The following GSK3B variants were observed in gnomAD, a reference collection of about 807,000 sequenced individuals.
GSK3B encodes the protein glycogen synthase kinase 3 beta, also known as glycogen synthase kinase-3 beta.
In GSK3B, 15 loss-of-function variants were observed where a neutral mutation model predicts 56.4. The observed-to-expected ratio is 0.27, with a 90% CI of 0.18 to 0.41. The LOEUF (loss-of-function observed/expected upper bound fraction) is 0.41, where lower values mean the gene tolerates loss of function less well. Ranked by LOEUF, GSK3B falls within the 10% of genes least tolerant of loss-of-function variation. The pLI is 1.00. For synonymous variants in GSK3B, 181 were observed against 188.9 expected (o/e 0.96, Z 0.34); for missense variants, 300 against 513.4 (o/e 0.58, Z 4.02).
chr3:120,014,124 G>A (rs1468688961), intron 1 of GSK3B, among the ~76,000 whole-genome samples: 19 of 132,346 alleles, frequency 1.4e-4, no homozygotes, highest in Non-Finnish European at 2.2e-4. Context: ...GACAGAGTGA[G>A]ACTCTGTCAA....
intron 1 of GSK3B, among the ~76,000 whole-genome samples, chr3:120,076,226 T>G (rs2058365941): frequency 6.6e-6 from 1 of 152,136 alleles, no homozygotes; most frequent in Admixed American, 6.6e-5. Flanking sequence ...GATAAAAACC[T>G]AAACATAAGA....
rs935894208 is a variant in GSK3B, at chr3:119,823,409, A to T, written c.*3379T>A. The T allele has an allele frequency of 5.0e-6, 1 of 200,108 alleles. No individual in the cohort carries two copies. Among genetic ancestry groups the T allele is most frequent in the Non-Finnish European group, 1.0e-5 (1 of 96,954 alleles). 12.4% of individuals were successfully genotyped at this position (200,108 alleles called of 1,614,324 possible). On this transcript the variant is annotated 3_prime_UTR_variant, in exon 11 of 11. Transcript: ENST00000264235. The stretch of plus-strand genomic sequence containing the variant: ...CAGTAACTGCTAGTAATTGCACTAT[A>T]GCATTTTAGACCACTGACGTATCAA...
intron 1 of GSK3B, among the ~76,000 whole-genome samples, chr3:120,031,477 C>T (rs1321005388): frequency 6.6e-6 from 1 of 152,192 alleles, no homozygotes; most frequent in Non-Finnish European, 1.5e-5. Flanking sequence ...AGGGTAAGAA[C>T]TCATTCTCAA....
intron 5 of GSK3B, among the ~76,000 whole-genome samples, chr3:119,915,488 T>C (rs1559834781): frequency 2.0e-5 from 3 of 152,144 alleles, no homozygotes; most frequent in Non-Finnish European, 2.9e-5. Flanking sequence ...TCAAATATTA[T>C]GGATTACGTA....
chr3:119,961,140 T>C (rs533307452), intron 2 of GSK3B, among the ~76,000 whole-genome samples: 2 of 152,168 alleles, frequency 1.3e-5, no homozygotes, highest in African/African-American at 4.8e-5. Flanking sequence ...TTCCTGAGAA[T>C]AGAGCTGTGA....
intron 1 of GSK3B, among the ~76,000 whole-genome samples, chr3:120,003,577 G>C (rs903699194): frequency 1.9e-4 from 29 of 151,300 alleles, no homozygotes; most frequent in African/African-American, 6.5e-4. Flanking sequence ...CCTAATAAAA[G>C]AAAAGTAATA....
intron 1 of GSK3B, among the ~76,000 whole-genome samples, chr3:120,077,403 G>C (rs757934384): frequency 2.0e-4 from 31 of 152,130 alleles, no homozygotes; most frequent in Non-Finnish European, 3.2e-4. Flanking sequence ...TATATATCAT[G>C]ATCTCAATTA....
At chr3:119,959,593 C>T (rs1302993180) in intron 2 of GSK3B, among the ~76,000 whole-genome samples, 1 of 147,286 alleles carries the variant, frequency 6.8e-6, no homozygotes, top group Non-Finnish European at 1.5e-5. Flanking sequence ...CAGCTCACTG[C>T]AACCTCTGTC....
At chr3:120,078,291 A>G (rs1302489110) in intron 1 of GSK3B, among the ~76,000 whole-genome samples, 2 of 152,162 alleles carry the variant, frequency 1.3e-5, no homozygotes, top group East Asian at 3.9e-4. Context: ...TGCATTTTAG[A>G]ACAATTTCCT....
intron 2 of GSK3B, among the ~76,000 whole-genome samples, chr3:119,970,302 A>G (rs958088123): frequency 6.6e-6 from 1 of 152,192 alleles, no homozygotes; most frequent in Admixed American, 6.5e-5. Flanking sequence ...GAGAAACTTC[A>G]CCAAAGACAA....
intron 10 of GSK3B, among the ~76,000 whole-genome samples, chr3:119,838,212 C>G (rs569260214): frequency 2.6e-5 from 4 of 151,748 alleles, no homozygotes; most frequent in Admixed American, 1.3e-4. Context: ...TCACTTGAAC[C>G]CAGGAGTTGG....
Position 119,889,228 on chromosome 3 carries a change from T to C in GSK3B, c.814-12720A>G, listed in dbSNP as rs750809749. ...ATCACGGTTCTACTGATATGTGATG[T>C]CACCCCCGGAGGCCGAGCTGTAAAA... On this transcript the variant is annotated intron_variant, in intron 7 of 10. Coordinates refer to ENST00000264235, the MANE Select transcript of GSK3B (RefSeq NM_001146156.2). Among the ~76,000 whole-genome samples, 4 of 152,124 alleles carry C rather than the reference T, an allele frequency of 2.6e-5. 1 individual carries two copies. Among genetic ancestry groups the C allele is most frequent in the Admixed American group, 2.6e-4 (4 of 15,254 alleles).
intron 1 of GSK3B, among the ~76,000 whole-genome samples, chr3:120,035,017 C>T (rs1190360454): frequency 2.6e-5 from 4 of 151,998 alleles, no homozygotes; most frequent in Non-Finnish European, 4.4e-5. Context: ...TGCTTGAACC[C>T]AGGAGGCGGA....
chr3:120,061,325 G>A (rs935527899), intron 1 of GSK3B, among the ~76,000 whole-genome samples: 5 of 152,106 alleles, frequency 3.3e-5, no homozygotes, highest in African/African-American at 7.2e-5. Flanking sequence ...TTTGAATAAC[G>A]GGATTATAAT....
chr3:119,923,764 G>A (rs1438837298), intron 3 of GSK3B, among the ~76,000 whole-genome samples: 1 of 152,096 alleles, frequency 6.6e-6, no homozygotes, highest in Non-Finnish European at 1.5e-5. Context: ...CATGATTTTA[G>A]AGGATATCAC....
At chr3:119,999,314 G>A (rs1041906407) in intron 2 of GSK3B, among the ~76,000 whole-genome samples, 2 of 152,160 alleles carry the variant, frequency 1.3e-5, no homozygotes, top group African/African-American at 4.8e-5. Context: ...GATACAGCGA[G>A]GATAAAATGT....
chr3:119,888,529 CG>C (rs2056465449), intron 7 of GSK3B, among the ~76,000 whole-genome samples: 1 of 152,046 alleles, frequency 6.6e-6, no homozygotes, highest in South Asian at 2.1e-4. Flanking sequence ...TGAGGATGTA[CG>C]TCACCTCAGG....
intron 2 of GSK3B, among the ~76,000 whole-genome samples, chr3:119,981,580 C>A (rs2057462887): frequency 6.6e-6 from 1 of 152,268 alleles, no homozygotes; most frequent in Admixed American, 6.5e-5. Context: ...GCCCACGGAG[C>A]CTTGCTCACT....
At chr3:119,884,450 G>A (rs2056412679) in intron 7 of GSK3B, among the ~76,000 whole-genome samples, 1 of 152,164 alleles carries the variant, frequency 6.6e-6, no homozygotes. Context: ...TGTAAGAGCA[G>A]TGTGCTAGAC....
Sources: gnomAD v4.1 joint callset for allele counts (sites outside exome capture counted in the v4.1 genomes callset) on GRCh38, gnomAD v4.1.1 for gene constraint, MANE v1.5 for transcripts, NCBI Gene and HGNC (gene_info 2026-07-23, HGNC 2026-07-21) for gene names.